The following AHI1 variants were observed in gnomAD, a reference collection of about 807,000 sequenced individuals.
AHI1 encodes Abelson helper integration site 1.
AHI1 carries 123 observed loss-of-function variants against 149.3 expected under a neutral mutation model. That is an observed-to-expected ratio of 0.82 (90% CI 0.71 to 0.96). The LOEUF (loss-of-function observed/expected upper bound fraction) is 0.96, where lower values mean the gene tolerates loss of function less well. AHI1 is among the 40% of genes least tolerant of loss of function. AHI1 has a pLI of 0.00. For missense variants in AHI1, 1,439 were observed against 1,422.7 expected (o/e 1.01, Z -0.18); for synonymous variants, 475 against 459.8 (o/e 1.03, Z -0.42).
chr6:135,304,443 T>C (rs1038326070), intron 26 of AHI1, among the ~76,000 whole-genome samples: 3 of 152,146 alleles, frequency 2.0e-5, no homozygotes, highest in Admixed American at 1.3e-4. Context: ...AATTCTTCTG[T>C]ATTAAGATGC....
At chr6:135,432,976 TA>T (rs559358265) in intron 16 of AHI1, 50 bp downstream of exon 16, 513 of 1,358,656 alleles carry the variant, frequency 3.8e-4, no homozygotes, top group Middle Eastern at 5.5e-4. Flanking sequence ...ATTATTCTGG[TA>T]AAAAAAAATT....
chr6:135,286,413 G>A (rs1208854612), intron 28 of AHI1: 2 of 152,194 alleles, frequency 1.3e-5, no homozygotes, highest in African/African-American at 4.8e-5. Context: ...AAAGGTTACT[G>A]TCCTTCTTCT....
chr6:135,425,354 C>T (rs1334594040), intron 20 of AHI1, among the ~76,000 whole-genome samples: 1 of 151,744 alleles, frequency 6.6e-6, no homozygotes, highest in Non-Finnish European at 1.5e-5. Context: ...TGGAAAGAAA[C>T]ATACTTTAAT....
intron 13 of AHI1, among the ~76,000 whole-genome samples, chr6:135,444,908 C>A (rs1786923656): frequency 6.6e-6 from 1 of 152,224 alleles, no homozygotes. Context: ...GAAAGGGACT[C>A]AGAACTCCCA....
intron 26 of AHI1, among the ~76,000 whole-genome samples, chr6:135,315,548 T>G (rs1323348925): frequency 6.6e-6 from 1 of 152,182 alleles, no homozygotes; most frequent in Admixed American, 6.6e-5. Context: ...TCCTTTCACA[T>G]TCACAACTCC....
chr6:135,450,035 T>C (rs1243731656), intron 11 of AHI1, among the ~76,000 whole-genome samples: 1 of 152,106 alleles, frequency 6.6e-6, no homozygotes, highest in Non-Finnish European at 1.5e-5. Context: ...CAAGCTGAAA[T>C]GTCCAGCAGG....
At chr6:135,438,280 G>T in intron 15 of AHI1, 95 bp downstream of exon 15, 2 of 1,173,276 alleles carry the variant, frequency 1.7e-6, no homozygotes, top group South Asian at 6.4e-5. Context: ...GGGAAAATAC[G>T]ACTGGAGCAT....
chr6:135,320,392 C>T (rs1786631916), intron 25 of AHI1, among the ~76,000 whole-genome samples: 1 of 152,156 alleles, frequency 6.6e-6, no homozygotes, highest in Admixed American at 6.5e-5. Context: ...CTCATCACTG[C>T]AATATGCTTC....
chr6:135,451,899 G>GAA (rs746590748), intron 11 of AHI1, among the ~76,000 whole-genome samples: 5 of 151,604 alleles, frequency 3.3e-5, no homozygotes, highest in African/African-American at 4.8e-5. Context: ...AGGTGTTATG[G>GAA]AAAAAGGCAT....
At chr6:135,330,139 T>C (rs1788327102) in intron 24 of AHI1, among the ~76,000 whole-genome samples, 1 of 152,238 alleles carries the variant, frequency 6.6e-6, no homozygotes, top group East Asian at 1.9e-4. Flanking sequence ...ATTTAGTTGA[T>C]AAAGCAGCAG....
At chr6:135,301,559 T>C (rs186481452) in intron 26 of AHI1, 2 of 985,430 alleles carry the variant, frequency 2.0e-6, no homozygotes, top group Admixed American at 1.2e-4. Flanking sequence ...AGCATTACTT[T>C]TCTTACAGAT....
At chr6:135,352,762 A>G (rs13201028) in intron 24 of AHI1, among the ~76,000 whole-genome samples, 1 of 147,044 alleles carries the variant, frequency 6.8e-6, no homozygotes, top group Non-Finnish European at 1.5e-5. Context: ...ACATATATAT[A>G]TGTGTGTGTA....
At chr6:135,373,152 C>T (rs1285997101) in intron 23 of AHI1, among the ~76,000 whole-genome samples, 2 of 152,214 alleles carry the variant, frequency 1.3e-5, no homozygotes, top group Non-Finnish European at 2.9e-5. Context: ...GTTTTACAGT[C>T]ATGTGCTGAG....
At chr6:135,497,042 C>A (rs937846986) in intron 2 of AHI1, 146 bp downstream of exon 2, 3 of 152,140 alleles carry the variant, frequency 2.0e-5, no homozygotes, top group African/African-American at 7.2e-5. Flanking sequence ...TTTATTTTCA[C>A]AATAGATGTT....
chr6:135,458,978 A>G (rs892480219), intron 8 of AHI1, among the ~76,000 whole-genome samples: 10 of 152,336 alleles, frequency 6.6e-5, no homozygotes, highest in African/African-American at 2.2e-4. Context: ...ACCTCTCTCA[A>G]CAGCTGACAG....
chr6:135,440,510 A>G (rs1300748955), intron 14 of AHI1, among the ~76,000 whole-genome samples: 3 of 152,194 alleles, frequency 2.0e-5, no homozygotes, highest in African/African-American at 7.2e-5. Flanking sequence ...AATATGCACA[A>G]CCAAGAAAGA....
At chr6:135,361,682 CACACACACACACGT>C (rs1348431222) in intron 23 of AHI1, among the ~76,000 whole-genome samples, 1 of 150,242 alleles carries the variant, frequency 6.7e-6, no homozygotes, top group African/African-American at 2.5e-5. Flanking sequence ...CACACACACA[CACACACACACACGT>C]GTGTATATTT....
At chr6:135,472,128 G>T (rs1326201624) in intron 5 of AHI1, among the ~76,000 whole-genome samples, 2 of 147,334 alleles carry the variant, frequency 1.4e-5, no homozygotes, top group East Asian at 4.2e-4. Context: ...GCAGTCATGT[G>T]ACCACCACCA....
chr6:135,299,750 T>G (rs1402085604), intron 27 of AHI1, among the ~76,000 whole-genome samples: 1 of 152,140 alleles, frequency 6.6e-6, no homozygotes, highest in East Asian at 1.9e-4. Flanking sequence ...TTAAAATAAA[T>G]ACTTCAAAAT....
Sources: gnomAD v4.1 joint callset for allele counts (sites outside exome capture counted in the v4.1 genomes callset) on GRCh38, gnomAD v4.1.1 for gene constraint, MANE v1.5 for transcripts, NCBI Gene and HGNC (gene_info 2026-07-23, HGNC 2026-07-21) for gene names.